KAT14: variants seen among roughly 807,000 people sequenced by gnomAD.
KAT14 encodes the protein cysteine-rich protein 2-binding protein.
A neutral mutation model predicts 78.4 loss-of-function variants in KAT14; 66 were observed. The ratio of observed to expected loss-of-function variants is 0.84; its 90% CI spans 0.69 to 1.03. The LOEUF is 1.03. Ranked by LOEUF, KAT14 falls within the 50% of genes least tolerant of loss-of-function variation. The pLI is 0.00. For missense variants in KAT14, 870 were observed against 972.5 expected, an observed-to-expected ratio of 0.89 and a Z score of 1.40; for synonymous variants, 344 against 359.4, an observed-to-expected ratio of 0.96 and a Z score of 0.48.
chr20:18,147,938 C>G (rs149980889), intron 3 of KAT14, among the ~76,000 whole-genome samples: 2 of 152,112 alleles, frequency 1.3e-5, no homozygotes, highest in Non-Finnish European at 2.9e-5. Context: ...TTTTCACTTC[C>G]AAAATACGTA....
Position 18,137,900 on chromosome 20 carries a change from G to C in KAT14, c.-605G>C. 6.9e-7 allele frequency: 1 copy of C among 1,441,580 alleles called. No individual in the cohort carries two copies. Among genetic ancestry groups the C allele is most frequent in the Non-Finnish European group, 9.1e-7 (1 of 1,102,216 alleles). 89.3% of individuals were successfully genotyped at this position (1,441,580 alleles called of 1,614,324 possible). A position where few individuals can be genotyped will look rare whatever the true frequency, so the allele number is the denominator to read the frequency against. ...TACAGGCGGCGGTGCGCACTCTGCG[G>C]CGGCCTCTGCGCCTCGGGCGGGCGG... On this transcript the variant is annotated 5_prime_UTR_variant, in exon 1 of 11. Coordinates refer to ENST00000688188, the MANE Select transcript of KAT14 (RefSeq NM_001392073.1).
intron 2 of KAT14, chr20:18,143,187 A>G: frequency 8.5e-7 from 1 of 1,177,536 alleles, no homozygotes; most frequent in Non-Finnish European, 1.1e-6. Context: ...TTACTTAAAG[A>G]ATTAGCCATA....
chr20:18,157,353 C>T (rs1007073272), intron 4 of KAT14, among the ~76,000 whole-genome samples: 2 of 152,130 alleles, frequency 1.3e-5, no homozygotes, highest in Non-Finnish European at 2.9e-5. Flanking sequence ...GTAGCTGGGA[C>T]CACAGGCACG....
intron 7 of KAT14, among the ~76,000 whole-genome samples, chr20:18,165,801 G>A (rs1193260969): frequency 6.6e-6 from 1 of 152,194 alleles, no homozygotes; most frequent in Non-Finnish European, 1.5e-5. Flanking sequence ...GGCAGAGGAA[G>A]TGGGATCCTC....
chr20:18,173,747 A>G (rs2146488149), intron 7 of KAT14, among the ~76,000 whole-genome samples: 1 of 151,998 alleles, frequency 6.6e-6, no homozygotes, highest in South Asian at 2.1e-4. Flanking sequence ...TGAATAAGAG[A>G]TGCTTCATAA....
intron 3 of KAT14, among the ~76,000 whole-genome samples, chr20:18,148,363 A>G (rs996244813): frequency 3.0e-4 from 46 of 152,164 alleles, no homozygotes; most frequent in African/African-American, 1.1e-3. Flanking sequence ...GAGAAACTTT[A>G]TCAAACATTT....
chr20:18,141,023 A>ATTTTTTTTTTTTT (rs67633205), intron 1 of KAT14, among the ~76,000 whole-genome samples: 2 of 48,750 alleles, frequency 4.1e-5, no homozygotes, highest in African/African-American at 2.2e-4. Flanking sequence ...ACTCCCTGCA[A>ATTTTTTTTTTTTT]TTTTTTTTTT....
chr20:18,141,032 T>TA (rs1568661457), intron 1 of KAT14, among the ~76,000 whole-genome samples: 17 of 17,014 alleles, frequency 1.0e-3, no homozygotes, highest in African/African-American at 2.3e-3. Context: ...AATTTTTTTT[T>TA]TTTTTTTTTT....
At chr20:18,186,323 G>C (rs2039452924) in intron 10 of KAT14, among the ~76,000 whole-genome samples, 1 of 152,172 alleles carries the variant, frequency 6.6e-6, no homozygotes, top group Non-Finnish European at 1.5e-5. Flanking sequence ...ACGTATATTT[G>C]CAATCTAGCA....
At chr20:18,179,713 C>T (rs2039178933) in intron 7 of KAT14, among the ~76,000 whole-genome samples, 1 of 152,180 alleles carries the variant, frequency 6.6e-6, no homozygotes, top group Non-Finnish European at 1.5e-5. Context: ...CATTCGGCTC[C>T]TTGTTACTTA....
intron 2 of KAT14, among the ~76,000 whole-genome samples, chr20:18,143,623 TTTTATTTTA>T (rs1014711614): frequency 3.6e-5 from 5 of 139,646 alleles, no homozygotes; most frequent in Non-Finnish European, 6.2e-5. Flanking sequence ...TAATTTTTTT[TTTTATTTTA>T]TTTTTTTTTT....
intron 7 of KAT14, among the ~76,000 whole-genome samples, chr20:18,174,588 T>A (rs1406108216): frequency 6.6e-6 from 1 of 152,188 alleles, no homozygotes; most frequent in African/African-American, 2.4e-5. Context: ...AAAATTCTTG[T>A]CTGTTTGGTA....
In KAT14 at chr20:18,183,731, C is replaced by T. The variant is rs963970055; in HGVS notation, c.1981+433C>T. ...AAGGTGTTTTTTAAAAGCCAAATGC[C>T]CTGATCACAGACTGAGAATAAGGGT... On this transcript the variant is annotated intron_variant, in intron 9 of 10. Coordinates refer to ENST00000688188, the MANE Select transcript of KAT14 (RefSeq NM_001392073.1). 5.2e-5 allele frequency: 9 copies of T among 172,862 alleles called. No individual in the cohort carries two copies. The Admixed American group carries it at 5.9e-4, about 11-fold the overall frequency. 10.7% of individuals were successfully genotyped at this position (172,862 alleles called of 1,614,324 possible). A position where few individuals can be genotyped will look rare whatever the true frequency, so the allele number is the denominator to read the frequency against.
At chr20:18,179,816 T>C (rs970530978) in intron 7 of KAT14, among the ~76,000 whole-genome samples, 1 of 152,230 alleles carries the variant, frequency 6.6e-6, no homozygotes, top group African/African-American at 2.4e-5. Context: ...TGAACTTTTA[T>C]GTTCTGTTTC....
intron 2 of KAT14, among the ~76,000 whole-genome samples, chr20:18,143,471 C>CTT (rs530608535): frequency 7.0e-6 from 1 of 143,768 alleles, no homozygotes; most frequent in Non-Finnish European, 1.5e-5. Context: ...TCTTTTCTTT[C>CTT]TTTTTTTTTT....
At chr20:18,164,028 C>T (rs990008047) in intron 7 of KAT14, among the ~76,000 whole-genome samples, 4 of 151,626 alleles carry the variant, frequency 2.6e-5, no homozygotes, top group Non-Finnish European at 4.4e-5. Context: ...ATTGGAGAGC[C>T]GTAGTGAATG....
At chr20:18,145,825 T>G (rs912144712) in intron 3 of KAT14, among the ~76,000 whole-genome samples, 1 of 152,158 alleles carries the variant, frequency 6.6e-6, no homozygotes, top group African/African-American at 2.4e-5. Context: ...GAATTGGGCT[T>G]GAGAGGCTTG....
chr20:18,181,648 C>T, intron 7 of KAT14, 62 bp from the exon 8 acceptor site: 2 of 1,605,330 alleles, frequency 1.2e-6, no homozygotes, highest in South Asian at 2.2e-5. Context: ...GGATTACCGG[C>T]ATGAGCCACT....
At chr20:18,170,539 T>A (rs2038808188) in intron 7 of KAT14, among the ~76,000 whole-genome samples, 2 of 152,152 alleles carry the variant, frequency 1.3e-5, no homozygotes, top group Admixed American at 1.3e-4. Context: ...GAGAAAAAGA[T>A]TATTTTCTTT....
Sources: gnomAD v4.1 joint callset for allele counts (sites outside exome capture counted in the v4.1 genomes callset) on GRCh38, gnomAD v4.1.1 for gene constraint, MANE v1.5 for transcripts, NCBI Gene and HGNC (gene_info 2026-07-23, HGNC 2026-07-21) for gene names.